Variants in FRMD4A observed in about 807,000 individuals in gnomAD.
FRMD4A encodes FERM domain containing 4A.
FRMD4A carries 29 observed loss-of-function variants against 129.1 expected under a neutral mutation model. The observed-to-expected ratio is 0.22, with a 90% CI of 0.17 to 0.31. The LOEUF (loss-of-function observed/expected upper bound fraction) is 0.31, where lower values mean the gene tolerates loss of function less well. Among genes scored for constraint, FRMD4A ranks in the 10% least tolerant of loss-of-function variants. The pLI is 1.00. For synonymous variants in FRMD4A, 634 were observed against 571.6 expected (o/e 1.11, Z -1.56); for missense variants, 1,272 against 1,375.8 (o/e 0.92, Z 1.19).
At chr10:14,029,639 G>A (rs1397726271) in intron 2 of FRMD4A, among the ~76,000 whole-genome samples, 1 of 152,082 alleles carries the variant, frequency 6.6e-6, no homozygotes, top group East Asian at 1.9e-4. Flanking sequence ...ACCACACAGT[G>A]GATCAGAATC....
chr10:13,674,332 G>A (rs75720259), intron 16 of FRMD4A, among the ~76,000 whole-genome samples: 2,448 of 152,278 alleles, frequency 0.016, 80 homozygotes, highest in African/African-American at 0.056. Context: ...GCACTATCAC[G>A]TGAGGAGATG....
At chr10:13,704,990 C>T (rs930564801) in intron 13 of FRMD4A, among the ~76,000 whole-genome samples, 2 of 152,032 alleles carry the variant, frequency 1.3e-5, no homozygotes, top group Admixed American at 1.3e-4. Context: ...GGGAGAATTG[C>T]TTGAGCCTGG....
At chr10:13,708,363 G>C (rs1413716978) in intron 12 of FRMD4A, among the ~76,000 whole-genome samples, 1 of 152,168 alleles carries the variant, frequency 6.6e-6, no homozygotes, top group Non-Finnish European at 1.5e-5. Context: ...AGTGGACCTA[G>C]CACCCCATAT....
intron 2 of FRMD4A, among the ~76,000 whole-genome samples, chr10:13,974,160 G>A (rs767517590): frequency 6.6e-6 from 1 of 151,902 alleles, no homozygotes; most frequent in Non-Finnish European, 1.5e-5. Flanking sequence ...ATTCTACGAC[G>A]AAGTAAAGTG....
At chr10:13,991,985 G>A (rs1024658642) in intron 2 of FRMD4A, 1 of 152,160 alleles carries the variant, frequency 6.6e-6, no homozygotes, top group Non-Finnish European at 1.5e-5. Flanking sequence ...GGCAGCAAAG[G>A]TAAAAAGGTA....
In FRMD4A at chr10:13,728,236, T is replaced by C. The variant is rs115365182; in HGVS notation, c.759+9608A>G. ...TTTTTTTTTAAAGCAGTTCATTCAATATTGATAGCAACCCATATTATCATA... is the reference window on the plus strand; with the variant it reads ...TTTTTTTTTAAAGCAGTTCATTCAACATTGATAGCAACCCATATTATCATA... On this transcript the variant is annotated intron_variant, in intron 12 of 24. Transcript: ENST00000357447. Among the ~76,000 whole-genome samples the C allele has an allele frequency of 4.3e-3, 655 of 152,282 alleles. 4 individuals are homozygous for C. Among genetic ancestry groups the C allele is most frequent in the African/African-American group, 0.015 (629 of 41,554 alleles).
rs150854716 is a variant in FRMD4A at position 13,981,120 on chromosome 10, A to T, written c.46-122208T>A. Among the ~76,000 whole-genome samples, 1,202 of 152,290 alleles carry T rather than the reference A, an allele frequency of 7.9e-3. 6 individuals are homozygous for T. The highest frequency in any genetic ancestry group is 0.012 in the Non-Finnish European group (816 of 68,030). ...TCTGCTTCTTGGAATAATTTAAATGAGCCTACCTGTAGGTAGTGTGGTGTG... is the reference window on the plus strand; with the variant it reads ...TCTGCTTCTTGGAATAATTTAAATGTGCCTACCTGTAGGTAGTGTGGTGTG... On this transcript the variant is annotated intron_variant, in intron 2 of 24. Coordinates refer to ENST00000357447, the MANE Select transcript of FRMD4A (RefSeq NM_018027.5).
chr10:13,709,826 GT>G (rs993914759), intron 12 of FRMD4A, among the ~76,000 whole-genome samples: 13 of 151,344 alleles, frequency 8.6e-5, no homozygotes, highest in Admixed American at 3.3e-4. Context: ...TTCCTAACAG[GT>G]TTTTTTTTCT....
At chr10:13,930,659 C>T (rs1487864876) in intron 2 of FRMD4A, among the ~76,000 whole-genome samples, 1 of 152,126 alleles carries the variant, frequency 6.6e-6, no homozygotes, top group Non-Finnish European at 1.5e-5. Context: ...GATACAGGGA[C>T]TGCAGCTTTA....
chr10:13,919,613 A>T (rs1453648992), intron 2 of FRMD4A, among the ~76,000 whole-genome samples: 1 of 152,162 alleles, frequency 6.6e-6, no homozygotes, highest in African/African-American at 2.4e-5. Context: ...AAGTGGAGGA[A>T]TACTTATTTC....
intron 2 of FRMD4A, among the ~76,000 whole-genome samples, chr10:13,936,509 T>A (rs1173530075): frequency 6.6e-6 from 1 of 152,136 alleles, no homozygotes; most frequent in Non-Finnish European, 1.5e-5. Context: ...GGGTGAAGCC[T>A]CATGAATGAG....
chr10:14,158,547 G>T lies in FRMD4A; in HGVS notation c.45+171511C>A, dbSNP rs1328940585. On this transcript the variant is annotated intron_variant, in intron 2 of 24. Transcript: ENST00000357447. ...GGATCGCTTGAGCCCAGGAGTTAGA[G>T]GCTACAGAGAGCAATAGTCATGCCA... 2.6e-5 allele frequency among the ~76,000 whole-genome samples: 4 copies of T among 152,102 alleles called. No individual in the cohort carries two copies. The East Asian group carries it at 7.7e-4, about 29-fold the overall frequency.
intron 12 of FRMD4A, among the ~76,000 whole-genome samples, chr10:13,715,903 C>T (rs2088740179): frequency 1.9e-5 from 1 of 53,276 alleles, no homozygotes; most frequent in African/African-American, 7.5e-5. Flanking sequence ...AGACTCCCCC[C>T]TCAAAAAAAA....
At chr10:13,934,654 G>C (rs1037446531) in intron 2 of FRMD4A, among the ~76,000 whole-genome samples, 1 of 151,964 alleles carries the variant, frequency 6.6e-6, no homozygotes, top group Non-Finnish European at 1.5e-5. Context: ...TTTTGCTCTC[G>C]ATCTCTTGCA....
chr10:14,306,511 A>G (rs1214647173), intron 2 of FRMD4A, among the ~76,000 whole-genome samples: 1 of 152,240 alleles, frequency 6.6e-6, no homozygotes, highest in African/African-American at 2.4e-5. Context: ...TCAAGGTTAT[A>G]GACATTATAA....
rs57602565 is a variant in FRMD4A, at chr10:13,789,769, A to ATGTGTGTGTGTGTGTGTGTGTGTGTGTG, written c.299+6699_299+6726dup. Among the ~76,000 whole-genome samples the ATGTGTGTGTGTGTGTGTGTGTGTGTGTG allele has an allele frequency of 4.6e-5, 6 of 130,086 alleles. 1 individual carries two copies. Among genetic ancestry groups the ATGTGTGTGTGTGTGTGTGTGTGTGTGTG allele is most frequent in the African/African-American group, 1.8e-4 (6 of 32,824 alleles). 85.3% of individuals were successfully genotyped at this position (130,086 alleles called of 152,430 possible). A position where few individuals can be genotyped will look rare whatever the true frequency, so the allele number is the denominator to read the frequency against. ...TATTGACCGCTGCTGGCTGCTTATA[A>ATGTGTGTGTGTGTGTGTGTGTGTGTGTG]TGTGTGTGTGTGTGTGTGTGTGTGT... On this transcript the variant is annotated intron_variant, in intron 5 of 24. Coordinates refer to ENST00000357447, the MANE Select transcript of FRMD4A (RefSeq NM_018027.5).
Position 13,740,208 on chromosome 10 carries a change from A to T in FRMD4A, c.658T>A (p.Tyr220Asn). Reference protein sequence around the residue: ...VESLPTYGVHYYAVKDKQGIP... With the variant: ...VESLPTYGVHNYAVKDKQGIP... ...AGTCTACTCACCTTCACTGCATAAT[A>T]GTGAACCCCGTAGGTTGGGAGAGAC... Residue 220 changes from tyrosine (Y) to asparagine (N), a missense_variant, in exon 11 of 25, where the codon TAT becomes AAT. Coordinates refer to ENST00000357447, the MANE Select transcript of FRMD4A (RefSeq NM_018027.5). The T allele has an allele frequency of 6.2e-7, 1 of 1,605,964 alleles. No homozygotes were observed. Among genetic ancestry groups the T allele is most frequent in the Non-Finnish European group, 8.5e-7 (1 of 1,172,544 alleles).
chr10:13,810,912 CAAG>C lies in FRMD4A; in HGVS notation c.112-7_112-5del. 6.6e-7 allele frequency: 1 copy of C among 1,512,748 alleles called. No individual in the cohort carries two copies. Among genetic ancestry groups the C allele is most frequent in the Non-Finnish European group, 9.2e-7 (1 of 1,089,716 alleles). The allele number at this position is 1,512,748 out of a possible 1,614,324, so 93.7% of individuals were successfully genotyped here. ...GCTCCTTGGCCAACAGCTTGGGCTGCAAGAAGAATACAATGGAAGAAGGGTAAG... is the reference window on the plus strand; with the variant it reads ...GCTCCTTGGCCAACAGCTTGGGCTGCAAGAATACAATGGAAGAAGGGTAAG... On this transcript the variant is annotated splice_polypyrimidine_tract_variant and splice_region_variant and intron_variant, in intron 3 of 24. Coordinates refer to ENST00000357447, the MANE Select transcript of FRMD4A (RefSeq NM_018027.5).
intron 15 of FRMD4A, among the ~76,000 whole-genome samples, chr10:13,680,638 A>T (rs2084481846): frequency 6.6e-6 from 1 of 152,148 alleles, no homozygotes; most frequent in Non-Finnish European, 1.5e-5. Flanking sequence ...AGACAGGAGA[A>T]TCGCTTGAAC....
Sources: allele counts gnomAD v4.1 joint callset (sites outside exome capture counted in the v4.1 genomes callset), GRCh38; gene constraint gnomAD v4.1.1; transcripts MANE v1.5; gene names NCBI Gene and HGNC (gene_info 2026-07-23, HGNC 2026-07-21).